PLAAT1: variants seen among roughly 807,000 people sequenced by gnomAD.
The protein encoded by PLAAT1 is phospholipase A and acyltransferase 1.
In PLAAT1, 13 loss-of-function variants were observed where a neutral mutation model predicts 16.4. That is an observed-to-expected ratio of 0.79 (90% CI 0.52 to 1.26). The LOEUF (loss-of-function observed/expected upper bound fraction) is 1.26, where lower values mean the gene tolerates loss of function less well. Among genes scored for constraint, PLAAT1 ranks in the 50% most tolerant of loss-of-function variants. The probability of loss-of-function intolerance (pLI) is 0.00; values close to 1 mark genes in which losing one functional copy is unlikely to be tolerated. For synonymous variants in PLAAT1, 73 were observed against 78.4 expected (o/e 0.93, Z 0.36); for missense variants, 218 against 207.8 (o/e 1.05, Z -0.30).
Position 193,241,279 on chromosome 3 carries a change from C to A in PLAAT1, c.-255C>A, listed in dbSNP as rs532286552. The A allele has an allele frequency of 2.0e-5, 24 of 1,230,040 alleles. No individual in the cohort carries two copies. Among genetic ancestry groups the A allele is most frequent in the East Asian group, 3.2e-5 (1 of 31,588 alleles). 76.2% of individuals were successfully genotyped at this position (1,230,040 alleles called of 1,614,324 possible). On this transcript the variant is annotated 5_prime_UTR_variant, in exon 1 of 4. Coordinates refer to ENST00000264735, the MANE Select transcript of PLAAT1 (RefSeq NM_020386.5). ...GACGCCGAGCCCAGCGCGTCGGCCC[C>A]CCGGCGTGCGGGCGTCTCAGAGCCG...
At chr3:193,272,828 C>A (rs201159881), downstream of PLAAT1, among the ~76,000 whole-genome samples, 1 of 116,424 alleles carries the variant, frequency 8.6e-6, no homozygotes, top group Non-Finnish European at 1.8e-5. Context: ...GCTCACAAAG[C>A]CATCAGTTTC....
intron 3 of PLAAT1, among the ~76,000 whole-genome samples, chr3:193,267,204 AC>A (rs1297002786): frequency 1.3e-5 from 2 of 152,164 alleles, no homozygotes; most frequent in African/African-American, 4.8e-5. Context: ...CAACATTAAT[AC>A]ATCATTATCA....
downstream of PLAAT1, among the ~76,000 whole-genome samples, chr3:193,280,524 C>T (rs564952484): frequency 1.3e-5 from 2 of 152,302 alleles, no homozygotes; most frequent in African/African-American, 4.8e-5. Context: ...CTCTGGAACT[C>T]TGACTTGAAA....
chr3:193,258,132 A>T (rs1011992927), intron 2 of PLAAT1, among the ~76,000 whole-genome samples: 3 of 152,188 alleles, frequency 2.0e-5, no homozygotes, highest in African/African-American at 7.2e-5. Context: ...CTATCCTATT[A>T]GTCCTGCCCC....
downstream of PLAAT1, among the ~76,000 whole-genome samples, chr3:193,278,832 C>T (rs1348692404): frequency 1.3e-5 from 2 of 152,130 alleles, no homozygotes; most frequent in Non-Finnish European, 2.9e-5. Context: ...GGAGCCAACC[C>T]TTCTCTTTTA....
downstream of PLAAT1, chr3:193,275,318 G>A (rs545905011): frequency 9.3e-6 from 15 of 1,610,390 alleles, no homozygotes; most frequent in Non-Finnish European, 1.3e-5. Context: ...AAATCAGATG[G>A]GAAAACAATC....
At chr3:193,259,598 G>A (rs1279073536) in intron 2 of PLAAT1, among the ~76,000 whole-genome samples, 6 of 151,966 alleles carry the variant, frequency 3.9e-5, no homozygotes, top group Non-Finnish European at 7.4e-5. Flanking sequence ...CTAGCTGAGA[G>A]CCATATTAAA....
intron 1 of PLAAT1, among the ~76,000 whole-genome samples, chr3:193,246,837 C>G (rs1416837785): frequency 6.6e-6 from 1 of 152,076 alleles, no homozygotes; most frequent in Non-Finnish European, 1.5e-5. Context: ...TTGGGGTGTT[C>G]TTGCCTGGCT....
downstream of PLAAT1, among the ~76,000 whole-genome samples, chr3:193,272,643 A>T (rs2108806789): frequency 6.6e-6 from 1 of 152,292 alleles, no homozygotes; most frequent in South Asian, 2.1e-4. Flanking sequence ...TGAAGTCAAG[A>T]ACCTCCTAAG....
chr3:193,255,107 T>C (rs1716324977), intron 1 of PLAAT1, among the ~76,000 whole-genome samples: 1 of 152,166 alleles, frequency 6.6e-6, no homozygotes, highest in Admixed American at 6.5e-5. Context: ...GTATAAAAGG[T>C]TGAAAGACTT....
chr3:193,252,279 G>T (rs1289434526), intron 1 of PLAAT1, among the ~76,000 whole-genome samples: 2 of 152,148 alleles, frequency 1.3e-5, no homozygotes, highest in Middle Eastern at 3.4e-3. Flanking sequence ...ATTCATGAGG[G>T]ATCCACTCCC....
Position 193,270,634 on chromosome 3 carries a change from G to A in PLAAT1, c.436G>A (p.Val146Met), listed in dbSNP as rs1716953816. Residue 146 changes from valine (V) to methionine (M), a missense_variant, in exon 4 of 4, where the codon GTG becomes ATG. By Grantham distance (21) the Val-to-Met change is conservative. Coordinates refer to ENST00000264735, the MANE Select transcript of PLAAT1 (RefSeq NM_020386.5). Reference sequence around the variant, plus strand: ...CCGAGCGATAAGTACCGTTGAGTTTGTGACAGCTGCTGTTGGTGTCTTCTC... The same window carrying A: ...CCGAGCGATAAGTACCGTTGAGTTTATGACAGCTGCTGTTGGTGTCTTCTC... The part of the protein sequence containing the change: ...ANRAISTVEF[V>M]TAAVGVFSFL... 3.7e-6 allele frequency: 6 copies of A among 1,613,494 alleles called. No individual in the cohort carries two copies. Among genetic ancestry groups the A allele is most frequent in the Non-Finnish European group, 4.2e-6 (5 of 1,179,634 alleles).
At position 193,241,259 on chromosome 3, in the gene PLAAT1, C is replaced by T; in HGVS notation, c.-275C>T. ...TGCCGGCTCGGCAGCGCCCGGACGC[C>T]GAGCCCAGCGCGTCGGCCCCCCGGC... On this transcript the variant is annotated 5_prime_UTR_variant, in exon 1 of 4. Transcript: ENST00000264735. The T allele has an allele frequency of 8.1e-7, 1 of 1,227,898 alleles. No individual in the cohort carries two copies. The highest frequency in any genetic ancestry group is 1.0e-6 in the Non-Finnish European group (1 of 985,610). 76.1% of individuals were successfully genotyped at this position (1,227,898 alleles called of 1,614,324 possible).
chr3:193,245,759 T>A (rs1412823794), intron 1 of PLAAT1, among the ~76,000 whole-genome samples: 2 of 152,222 alleles, frequency 1.3e-5, no homozygotes, highest in African/African-American at 2.4e-5. Context: ...CATTGTGGCT[T>A]TAATTTGCAT....
At chr3:193,277,901 C>T (rs1174864070), downstream of PLAAT1, among the ~76,000 whole-genome samples, 1 of 152,156 alleles carries the variant, frequency 6.6e-6, no homozygotes, top group African/African-American at 2.4e-5. Flanking sequence ...TTTCAGCTCA[C>T]TGCAACATTC....
chr3:193,249,924 T>TA (rs1716131165), intron 1 of PLAAT1, among the ~76,000 whole-genome samples: 1 of 152,216 alleles, frequency 6.6e-6, no homozygotes, highest in South Asian at 2.1e-4. Flanking sequence ...TAAAAATTGT[T>TA]ATGACTGCCC....
chr3:193,265,332 C>G (rs540405392), intron 3 of PLAAT1, among the ~76,000 whole-genome samples: 2 of 152,292 alleles, frequency 1.3e-5, no homozygotes, highest in Admixed American at 6.5e-5. Context: ...CTCATACATG[C>G]TACAGTATGG....
chr3:193,255,463 A>G (rs1032332051), intron 1 of PLAAT1, among the ~76,000 whole-genome samples, 188 bp from the exon 2 acceptor site: 18 of 152,196 alleles, frequency 1.2e-4, no homozygotes, highest in African/African-American at 4.1e-4. Context: ...TTATTTCTCT[A>G]CTTGTCCCCT....
intron 2 of PLAAT1, among the ~76,000 whole-genome samples, chr3:193,257,053 T>C (rs957740100): frequency 1.6e-4 from 24 of 152,212 alleles, no homozygotes; most frequent in African/African-American, 5.5e-4. Flanking sequence ...TGCATTTTTT[T>C]CTATGTGCTG....
Sources: gnomAD v4.1 joint callset for allele counts (sites outside exome capture counted in the v4.1 genomes callset) on GRCh38, gnomAD v4.1.1 for gene constraint, MANE v1.5 for transcripts, NCBI Gene and HGNC (gene_info 2026-07-23, HGNC 2026-07-21) for gene names.